TAF4B: variants seen among roughly 807,000 people sequenced by gnomAD.
The protein encoded by TAF4B is TATA-box binding protein associated factor 4b, also known as transcription initiation factor TFIID subunit 4B.
In TAF4B, 38 loss-of-function variants were observed where a neutral mutation model predicts 86.4. The observed-to-expected ratio is 0.44, with a 90% CI of 0.34 to 0.58. The LOEUF (loss-of-function observed/expected upper bound fraction) is 0.58. Among genes scored for constraint, TAF4B ranks in the 20% least tolerant of loss-of-function variants. The probability of loss-of-function intolerance (pLI) is 0.02; values close to 1 mark genes in which losing one functional copy is unlikely to be tolerated. For missense variants in TAF4B, 988 were observed against 1,027.6 expected (o/e 0.96, Z 0.53); for synonymous variants, 388 against 391.2 (o/e 0.99, Z 0.10).
chr18:26,242,033 A>G (rs1191386597), intron 1 of TAF4B, among the ~76,000 whole-genome samples: 3 of 152,162 alleles, frequency 2.0e-5, no homozygotes, highest in African/African-American at 7.2e-5. Flanking sequence ...AATAAGTGCT[A>G]CGTGGTGCTG....
chr18:26,357,312 CTTTAT>C (rs1415077532), intron 13 of TAF4B, among the ~76,000 whole-genome samples: 3 of 152,152 alleles, frequency 2.0e-5, no homozygotes, highest in Non-Finnish European at 4.4e-5. Flanking sequence ...CAAAAACTGT[CTTTAT>C]TTTAAAGTGA....
intron 10 of TAF4B, among the ~76,000 whole-genome samples, chr18:26,319,719 A>ACAG (rs2056945426): frequency 6.6e-6 from 1 of 152,034 alleles, no homozygotes. Flanking sequence ...CCTCTCGTGT[A>ACAG]GCTCGGATTA....
intron 12 of TAF4B, among the ~76,000 whole-genome samples, chr18:26,327,712 G>T (rs1175272955): frequency 6.6e-6 from 1 of 152,168 alleles, no homozygotes; most frequent in Non-Finnish European, 1.5e-5. Context: ...TGGGACTACA[G>T]GTGCCTGCCA....
At chr18:26,382,488 T>G (rs1978295405) in intron 14 of TAF4B, among the ~76,000 whole-genome samples, 1 of 152,070 alleles carries the variant, frequency 6.6e-6, no homozygotes, top group African/African-American at 2.4e-5. Flanking sequence ...TTGAACAAAT[T>G]CCATCTAGTA....
Sources: gnomAD v4.1 joint callset for allele counts (sites outside exome capture counted in the v4.1 genomes callset) on GRCh38, gnomAD v4.1.1 for gene constraint, MANE v1.5 for transcripts, NCBI Gene and HGNC (gene_info 2026-07-23, HGNC 2026-07-21) for gene names.